MED24: variants seen among roughly 807,000 people sequenced by gnomAD.
MED24 encodes mediator of RNA polymerase II transcription subunit 24.
A neutral mutation model predicts 118.8 loss-of-function variants in MED24; 74 were observed. The ratio of observed to expected loss-of-function variants is 0.62; its 90% CI spans 0.52 to 0.76. MED24 has a LOEUF of 0.76. Ranked by LOEUF, MED24 falls within the 30% of genes least tolerant of loss-of-function variation. MED24 has a pLI of 0.00. For missense variants in MED24, 1,041 were observed against 1,278.9 expected (o/e 0.81, Z 2.84); for synonymous variants, 521 against 523.9 (o/e 0.99, Z 0.08).
At chr17:40,050,196 C>T (rs967886660) in intron 3 of MED24, among the ~76,000 whole-genome samples, 8 of 145,310 alleles carry the variant, frequency 5.5e-5, no homozygotes, top group African/African-American at 1.8e-4. Context: ...AGGTCAGGCA[C>T]GGTGGCTCAT....
intron 11 of MED24, 28 bp downstream of exon 11, chr17:40,031,510 G>C (rs1983374973): frequency 6.2e-7 from 1 of 1,601,520 alleles, no homozygotes; most frequent in Non-Finnish European, 8.6e-7. Context: ...CCTTCCAGTA[G>C]GGCGGGGGTG....
At chr17:40,036,289 G>T in intron 3 of MED24, 135 bp from the exon 4 acceptor site, 1 of 810,176 alleles carries the variant, frequency 1.2e-6, no homozygotes, top group Non-Finnish European at 2.0e-6. Flanking sequence ...ACCCAAGCAA[G>T]GAGAGGCAGT....
chr17:40,039,202 G>C (rs1984279139), intron 3 of MED24, among the ~76,000 whole-genome samples: 1 of 152,224 alleles, frequency 6.6e-6, no homozygotes, highest in African/African-American at 2.4e-5. Flanking sequence ...GCAGATTTCT[G>C]CTAACTGTAT....
Position 40,019,460 on chromosome 17 carries a change from C to T in MED24, c.*69G>A, listed in dbSNP as rs1981668329. The T allele has an allele frequency of 7.5e-7, 1 of 1,335,804 alleles. No individual in the cohort carries two copies. Among genetic ancestry groups the T allele is most frequent in the African/African-American group, 1.5e-5 (1 of 68,594 alleles). The allele number at this position is 1,335,804 out of a possible 1,614,324, so 82.7% of individuals were successfully genotyped here. ...TGAGGCACGATGCCTCATCTTTCCT[C>T]ACTGCTTCCCTTGGAGGCGCCTGGG... On this transcript the variant is annotated 3_prime_UTR_variant, in exon 26 of 26. Transcript: ENST00000394128.
intron 15 of MED24, 97 bp downstream of exon 15, chr17:40,027,812 C>T: frequency 2.3e-6 from 3 of 1,329,976 alleles, no homozygotes; most frequent in Non-Finnish European, 3.2e-6. Flanking sequence ...GCACAGCCTC[C>T]CCCTGTTGAG....
At chr17:40,040,624 C>CTT (rs574991562) in intron 3 of MED24, among the ~76,000 whole-genome samples, 2 of 142,166 alleles carry the variant, frequency 1.4e-5, no homozygotes, top group African/African-American at 2.6e-5. Flanking sequence ...ATTTTATTTT[C>CTT]TTTTTTTTTT....
chr17:40,029,889 G>T (rs751685897), intron 12 of MED24, 30 bp from the exon 13 acceptor site: 1 of 1,599,228 alleles, frequency 6.3e-7, no homozygotes, highest in Non-Finnish European at 8.6e-7. Context: ...GCCAAGGAAG[G>T]GAAGAGGAAT....
rs1224890104 is a variant in MED24 at position 40,051,136 on chromosome 17, CAAAAAAA to C, written c.213+2155_213+2161del. ...GGGCAACAAGAGCTAGACTCTGTCT[CAAAAAAA>C]AAAAAAAAAAAAAAAAATTTTGCCA... is the stretch of plus-strand genomic sequence containing the variant. On this transcript the variant is annotated intron_variant, in intron 3 of 25. Transcript: ENST00000394128. Among the ~76,000 whole-genome samples, 46 of 81,752 alleles carry C rather than the reference CAAAAAAA, an allele frequency of 5.6e-4. 1 individual carries two copies. In the Admixed American group the frequency reaches 6.5e-3, roughly 11 times the overall value. 53.6% of individuals were successfully genotyped at this position (81,752 alleles called of 152,430 possible). A position where few individuals can be genotyped will look rare whatever the true frequency, so the allele number is the denominator to read the frequency against.
chr17:40,040,378 CCTGA>C (rs1210215394), intron 3 of MED24, among the ~76,000 whole-genome samples: 2 of 151,682 alleles, frequency 1.3e-5, no homozygotes, highest in African/African-American at 4.8e-5. Context: ...TGCCCAGCTG[CCTGA>C]CTTTCGTATT....
At chr17:40,035,965 C>G in intron 4 of MED24, 151 bp downstream of exon 4, 1 of 1,108,248 alleles carries the variant, frequency 9.0e-7, no homozygotes, top group African/African-American at 1.5e-5. Context: ...CCCTACTTGC[C>G]AGGATCCCCC....
At chr17:40,028,712 C>A in intron 14 of MED24, 114 bp downstream of exon 14, 1 of 1,430,306 alleles carries the variant, frequency 7.0e-7, no homozygotes, top group Non-Finnish European at 9.5e-7. Context: ...TCTGCCTAGG[C>A]CCGTGGGTCT....
intron 18 of MED24, 99 bp from the exon 19 acceptor site, chr17:40,026,430 A>C (rs758612199): frequency 2.8e-6 from 4 of 1,443,560 alleles, no homozygotes; most frequent in Non-Finnish European, 3.8e-6. Flanking sequence ...CAGCGGGTGG[A>C]GTCCCGGGCC....
chr17:40,035,639 C>CCG, intron 5 of MED24, 83 bp downstream of exon 5: 2 of 1,467,518 alleles, frequency 1.4e-6, no homozygotes, highest in South Asian at 2.4e-5. Context: ...GAGTTGGTCT[C>CCG]GGTCTGTGTG....
rs1192412030 is a variant in MED24, at chr17:40,019,205, TACAC to T, written c.*320_*323del. ...ACACACACACACACACACACACACATACACACTTTGCATCTAGAAAGTTCCTCAG... is the reference window on the plus strand; with the variant it reads ...ACACACACACACACACACACACACATACTTTGCATCTAGAAAGTTCCTCAG... On this transcript the variant is annotated 3_prime_UTR_variant, in exon 26 of 26. Coordinates refer to ENST00000394128, the MANE Select transcript of MED24 (RefSeq NM_014815.4). The T allele has an allele frequency of 1.0e-4, 23 of 221,648 alleles. 1 individual carries two copies. In the East Asian group the frequency reaches 1.7e-3, roughly 16 times the overall value. The allele number at this position is 221,648 out of a possible 1,614,324, so 13.7% of individuals were successfully genotyped here.
chr17:40,034,136 G>A (rs1983686736), intron 6 of MED24, among the ~76,000 whole-genome samples: 1 of 152,024 alleles, frequency 6.6e-6, no homozygotes, highest in Non-Finnish European at 1.5e-5. Flanking sequence ...GTCAAATGAT[G>A]AATAATGGCA....
chr17:40,027,053 G>T lies in MED24; in HGVS notation c.1531-19C>A, dbSNP rs753098668. The T allele has an allele frequency of 1.9e-6, 3 of 1,612,790 alleles. No individual in the cohort carries two copies. In the Admixed American group the frequency reaches 5.0e-5, roughly 27 times the overall value. ...GAATCACCTGGGAAAGGGGAAGGGG[G>T]GCACCAGCCGAGTGGGGAGGGCGCG... On this transcript the variant is annotated intron_variant, in intron 16 of 25. Coordinates refer to ENST00000394128, the MANE Select transcript of MED24 (RefSeq NM_014815.4).
chr17:40,048,256 C>G (rs1985458605), intron 3 of MED24, among the ~76,000 whole-genome samples: 1 of 152,152 alleles, frequency 6.6e-6, no homozygotes, highest in Admixed American at 6.5e-5. Flanking sequence ...AGGTACGGTT[C>G]AGGAACTCCC....
chr17:40,045,457 CAAAA>C (rs35418289), intron 3 of MED24, among the ~76,000 whole-genome samples: 1 of 98,024 alleles, frequency 1.0e-5, no homozygotes. Context: ...GACTTCATCT[CAAAA>C]AAAAAAAAAA....
In MED24 at chr17:40,035,364, G is replaced by A; in HGVS notation, c.327-15C>T. 6.4e-7 allele frequency: 1 copy of A among 1,562,538 alleles called. No homozygotes were observed. Among genetic ancestry groups the A allele is most frequent in the South Asian group, 1.2e-5 (1 of 84,460 alleles). On this transcript the variant is annotated splice_polypyrimidine_tract_variant and intron_variant, in intron 5 of 25. Coordinates refer to ENST00000394128, the MANE Select transcript of MED24 (RefSeq NM_014815.4). Reference sequence around the variant, plus strand: ...TGCCGTGACAGCTACAGGGAAGGATGCAAAATCAGACTCTGTTCTTCCAAT... The same window carrying A: ...TGCCGTGACAGCTACAGGGAAGGATACAAAATCAGACTCTGTTCTTCCAAT...
Sources: allele counts gnomAD v4.1 joint callset (sites outside exome capture counted in the v4.1 genomes callset), GRCh38; gene constraint gnomAD v4.1.1; transcripts MANE v1.5; gene names NCBI Gene and HGNC (gene_info 2026-07-23, HGNC 2026-07-21).